Variants in VPS13A observed in about 807,000 individuals in gnomAD.
VPS13A encodes vacuolar protein sorting 13 homolog A.
A neutral mutation model predicts 390.9 loss-of-function variants in VPS13A; 264 were observed. That is an observed-to-expected ratio of 0.68 (90% CI 0.61 to 0.75). The LOEUF (loss-of-function observed/expected upper bound fraction) is 0.75. VPS13A is among the 30% of genes least tolerant of loss of function. VPS13A has a pLI of 0.00. For synonymous variants in VPS13A, 1,231 were observed against 1,227.1 expected (o/e 1.00, Z -0.07); for missense variants, 3,409 against 3,733.9 (o/e 0.91, Z 2.27).
At chr9:77,275,976 T>C in intron 25 of VPS13A, 89 bp from the exon 26 acceptor site, 1 of 1,337,564 alleles carries the variant, frequency 7.5e-7, no homozygotes, top group Non-Finnish European at 1.1e-6. Flanking sequence ...CAATTGTATG[T>C]ATACCTCATA....
At chr9:77,234,999 C>T (rs1824060022) in intron 17 of VPS13A, among the ~76,000 whole-genome samples, 1 of 152,094 alleles carries the variant, frequency 6.6e-6, no homozygotes, top group Non-Finnish European at 1.5e-5. Flanking sequence ...GCTTTACATA[C>T]TTGTGTTCAT....
chr9:77,283,523 G>T, intron 30 of VPS13A, 24 bp from the exon 31 acceptor site: 2 of 1,605,976 alleles, frequency 1.2e-6, no homozygotes, highest in Non-Finnish European at 1.7e-6. Context: ...GAAAGAAAAG[G>T]CAGTCATTCT....
intron 17 of VPS13A, 32 bp from the exon 18 acceptor site, chr9:77,237,970 T>C (rs1381755125): frequency 6.0e-6 from 9 of 1,501,906 alleles, no homozygotes; most frequent in Non-Finnish European, 8.3e-6. Flanking sequence ...ATTTTACTGA[T>C]CGCTGACTTT....
At chr9:77,318,073 T>G (rs1324211857) in intron 40 of VPS13A, among the ~76,000 whole-genome samples, 162 bp from the exon 41 acceptor site, 1 of 151,942 alleles carries the variant, frequency 6.6e-6, no homozygotes, top group African/African-American at 2.4e-5. Flanking sequence ...ATAACAAGAA[T>G]TATGGTAATT....
intron 67 of VPS13A, among the ~76,000 whole-genome samples, chr9:77,379,392 C>T (rs1313391003): frequency 1.3e-5 from 2 of 152,164 alleles, no homozygotes; most frequent in Admixed American, 1.3e-4. Context: ...AGGCATGTGC[C>T]ACCACACCCG....
At chr9:77,402,994 C>T (rs1213162227) in intron 68 of VPS13A, among the ~76,000 whole-genome samples, 1 of 152,146 alleles carries the variant, frequency 6.6e-6, no homozygotes, top group East Asian at 1.9e-4. Flanking sequence ...AAGATAACAT[C>T]AGCTTCTAAA....
chr9:77,346,363 A>G (rs966389561), intron 52 of VPS13A, among the ~76,000 whole-genome samples: 1 of 151,626 alleles, frequency 6.6e-6, no homozygotes, highest in African/African-American at 2.4e-5. Context: ...TGATGGGATT[A>G]TTGTGTTTTT....
intron 67 of VPS13A, among the ~76,000 whole-genome samples, chr9:77,381,546 A>G (rs1285935164): frequency 6.6e-6 from 1 of 152,186 alleles, no homozygotes; most frequent in African/African-American, 2.4e-5. Context: ...TTGGTAAACT[A>G]AAAGTAGCAA....
chr9:77,368,105 A>C lies in VPS13A; in HGVS notation c.8522A>C (p.Gln2841Pro). 2 of 1,612,600 alleles carry C rather than the reference A, an allele frequency of 1.2e-6. No homozygotes were observed. Among genetic ancestry groups the C allele is most frequent in the South Asian group, 1.1e-5 (1 of 90,912 alleles). Residue 2841 changes from glutamine to proline, a missense_variant, in exon 62 of 72, where the codon CAG becomes CCG. Transcript: ENST00000360280. ...NYQFHTTSDL[Q>P]SEVIRHYSKQ... ...CAGTTCCATACAACATCCGATCTAC[A>C]GTCTGAAGTCATAAGACACTATTCA...
chr9:77,391,368 A>G (rs1475019875), intron 68 of VPS13A, among the ~76,000 whole-genome samples: 1 of 152,222 alleles, frequency 6.6e-6, no homozygotes, highest in Non-Finnish European at 1.5e-5. Flanking sequence ...GAAAGGATAC[A>G]TTCACTTGCC....
At chr9:77,334,679 A>G (rs1187737464) in intron 46 of VPS13A, among the ~76,000 whole-genome samples, 3 of 152,122 alleles carry the variant, frequency 2.0e-5, no homozygotes, top group African/African-American at 4.8e-5. Context: ...TTTGTTTTCA[A>G]TTTTGCCTTC....
At position 77,213,467 on chromosome 9, in the gene VPS13A, A is replaced by G. The variant is rs7037530; in HGVS notation, c.696+153A>G. ...GATACAGGTGAAGATGTGTGTAACT[A>G]TACACAAACATGAATACATACCCCC... On this transcript the variant is annotated intron_variant, in intron 9 of 71. Coordinates refer to ENST00000360280, the MANE Select transcript of VPS13A (RefSeq NM_033305.3). 0.012 allele frequency among the ~76,000 whole-genome samples: 1,860 copies of G among 151,422 alleles called. 36 individuals are homozygous for G. The highest frequency in any genetic ancestry group is 0.043 in the African/African-American group (1,781 of 41,206).
chr9:77,245,234 G>C (rs1413938469), intron 19 of VPS13A, among the ~76,000 whole-genome samples: 1 of 152,168 alleles, frequency 6.6e-6, no homozygotes, highest in Non-Finnish European at 1.5e-5. Flanking sequence ...GAAAGGCTTT[G>C]TTGAAACTAA....
chr9:77,278,373 A>G (rs1012352039), intron 26 of VPS13A, among the ~76,000 whole-genome samples: 6 of 150,896 alleles, frequency 4.0e-5, no homozygotes, highest in Non-Finnish European at 8.8e-5. Context: ...GCGCCTGGCC[A>G]CACTTATTAA....
At chr9:77,292,747 A>G (rs1827752590) in intron 31 of VPS13A, among the ~76,000 whole-genome samples, 1 of 152,066 alleles carries the variant, frequency 6.6e-6, no homozygotes, top group Non-Finnish European at 1.5e-5. Flanking sequence ...TTTTTTTAAC[A>G]TTTTACATCT....
intron 1 of VPS13A, among the ~76,000 whole-genome samples, chr9:77,185,828 G>A (rs908042326): frequency 4.6e-5 from 7 of 152,084 alleles, no homozygotes; most frequent in South Asian, 2.1e-4. Context: ...CCAAGTCCAC[G>A]TCCAAATAAC....
chr9:77,208,446 C>G (rs1023300792), intron 5 of VPS13A, among the ~76,000 whole-genome samples: 2 of 152,004 alleles, frequency 1.3e-5, no homozygotes, highest in Non-Finnish European at 2.9e-5. Context: ...AAGAATATAG[C>G]TTTCATTGGC....
At chr9:77,237,761 C>A (rs1824237437) in intron 17 of VPS13A, among the ~76,000 whole-genome samples, 1 of 152,140 alleles carries the variant, frequency 6.6e-6, no homozygotes, top group Admixed American at 6.5e-5. Context: ...TGTAGATTTA[C>A]TGTCATTTTA....
At chr9:77,389,600 C>T (rs1192870937) in intron 68 of VPS13A, 1 of 152,108 alleles carries the variant, frequency 6.6e-6, no homozygotes, top group Non-Finnish European at 1.5e-5. Context: ...CCATTGCTCT[C>T]GGCTTTTTGT....
Sources: gnomAD v4.1 joint callset for allele counts (sites outside exome capture counted in the v4.1 genomes callset) on GRCh38, gnomAD v4.1.1 for gene constraint, MANE v1.5 for transcripts, NCBI Gene and HGNC (gene_info 2026-07-23, HGNC 2026-07-21) for gene names.